Variants in TUBGCP3 observed in about 807,000 individuals in gnomAD.
TUBGCP3 encodes the protein tubulin gamma complex component 3, also known as gamma-tubulin complex component 3.
Under a neutral mutation model 123.1 loss-of-function variants are expected in TUBGCP3, and 50 were observed. That is an observed-to-expected ratio of 0.41 (90% CI 0.32 to 0.51). The LOEUF (loss-of-function observed/expected upper bound fraction) is 0.51. TUBGCP3 is among the 20% of genes least tolerant of loss of function. TUBGCP3 has a pLI of 0.36. For synonymous variants in TUBGCP3, 405 were observed against 413.9 expected (o/e 0.98, Z 0.26); for missense variants, 882 against 1,127.0 (o/e 0.78, Z 3.11).
intron 13 of TUBGCP3, among the ~76,000 whole-genome samples, chr13:112,525,451 A>G (rs1876972101): frequency 6.6e-6 from 1 of 152,192 alleles, no homozygotes; most frequent in Non-Finnish European, 1.5e-5. Flanking sequence ...AGACCAGACT[A>G]ATAAGCTCAT....
At chr13:112,569,346 G>A in intron 1 of TUBGCP3, 87 bp from the exon 2 acceptor site, 1 of 1,183,046 alleles carries the variant, frequency 8.5e-7, no homozygotes, top group Non-Finnish European at 1.2e-6. Flanking sequence ...CAGTGAACTA[G>A]TAATAACATC....
chr13:112,561,281 TG>T (rs947145270), intron 3 of TUBGCP3, among the ~76,000 whole-genome samples: 5 of 152,170 alleles, frequency 3.3e-5, no homozygotes, highest in Non-Finnish European at 7.4e-5. Flanking sequence ...CAGGGGCCCG[TG>T]AGGCTCAGGC....
rs10522089 is a variant in TUBGCP3, at chr13:112,487,053, ATGTGTG to A, written c.2566-908_2566-903del. ...ACCTCTGAGCAGGCAAACACTGTGTATGTGTGTGTGTGTGTGTGTGTGTGTGTGTCT... is the reference window on the plus strand; with the variant it reads ...ACCTCTGAGCAGGCAAACACTGTGTATGTGTGTGTGTGTGTGTGTGTGTCT... On this transcript the variant is annotated intron_variant, in intron 21 of 21. Transcript: ENST00000261965. 1.4e-4 allele frequency among the ~76,000 whole-genome samples: 20 copies of A among 147,506 alleles called. No homozygotes were observed. In the South Asian group the frequency reaches 3.8e-3, roughly 28 times the overall value.
chr13:112,556,240 T>C lies in TUBGCP3; in HGVS notation c.549-16A>G, dbSNP rs779590880. Reference sequence around the variant, plus strand: ...ATTAGACTGTCTAAAAAAAGAAACATGTATTATCTTCTAATAGGCTATTCG... The same window carrying C: ...ATTAGACTGTCTAAAAAAAGAAACACGTATTATCTTCTAATAGGCTATTCG... On this transcript the variant is annotated splice_polypyrimidine_tract_variant and intron_variant, in intron 5 of 21. Coordinates refer to ENST00000261965, the MANE Select transcript of TUBGCP3 (RefSeq NM_006322.6). The C allele has an allele frequency of 4.4e-5, 71 of 1,608,090 alleles. No individual in the cohort carries two copies. The highest frequency in any genetic ancestry group is 5.6e-5 in the Non-Finnish European group (66 of 1,175,144).
intron 1 of TUBGCP3, among the ~76,000 whole-genome samples, chr13:112,582,814 C>G (rs941208407): frequency 6.6e-6 from 1 of 152,164 alleles, no homozygotes; most frequent in African/African-American, 2.4e-5. Flanking sequence ...GGAGTGAACA[C>G]TCCTCTGATG....
intron 11 of TUBGCP3, among the ~76,000 whole-genome samples, chr13:112,529,834 A>G (rs574299277): frequency 6.6e-6 from 1 of 152,350 alleles, no homozygotes; most frequent in African/African-American, 2.4e-5. Flanking sequence ...AACACATTTC[A>G]GTCGTATCAC....
chr13:112,547,536 G>T, intron 10 of TUBGCP3, 84 bp downstream of exon 10: 1 of 1,176,522 alleles, frequency 8.5e-7, no homozygotes, highest in Non-Finnish European at 1.1e-6. Flanking sequence ...GGAAAGACGT[G>T]CATGGGAAAG....
rs764173679 is a variant in TUBGCP3 at position 112,489,683 on chromosome 13, C to T, written c.2463G>A (p.Val821=). The T allele has an allele frequency of 1.2e-5, 19 of 1,613,814 alleles. No homozygotes were observed. Among genetic ancestry groups the T allele is most frequent in the African/African-American group, 6.7e-5 (5 of 74,924 alleles). ...TTTCCTCCTCTTCCTCTGCTGCCGT[C>T]ACTCCCCACTGGCCCTGAACAATCA... is the stretch of plus-strand genomic sequence containing the variant. ...KQREIEGQWG[V]TAAEEEEENK... Residue 821 remains valine (V), a synonymous_variant, in exon 21 of 22, where the codon GTG becomes GTA. Transcript: ENST00000261965.
intron 20 of TUBGCP3, among the ~76,000 whole-genome samples, chr13:112,496,705 G>A (rs1243181822): frequency 6.6e-6 from 1 of 152,168 alleles, no homozygotes; most frequent in African/African-American, 2.4e-5. Flanking sequence ...CCGAAGGAGT[G>A]GCCGGGCGCG....
chr13:112,586,899 T>C (rs1281499824), intron 1 of TUBGCP3, among the ~76,000 whole-genome samples: 1 of 152,140 alleles, frequency 6.6e-6, no homozygotes. Flanking sequence ...AGTCACTCAT[T>C]TAATAGCGAC....
At chr13:112,512,929 C>T (rs1006072234) in intron 17 of TUBGCP3, among the ~76,000 whole-genome samples, 1 of 152,186 alleles carries the variant, frequency 6.6e-6, no homozygotes, top group Non-Finnish European at 1.5e-5. Flanking sequence ...CTGAATCAGA[C>T]TTCTATTAGA....
At chr13:112,555,738 A>C (rs72656189) in intron 6 of TUBGCP3, among the ~76,000 whole-genome samples, 1 of 152,274 alleles carries the variant, frequency 6.6e-6, no homozygotes, top group Non-Finnish European at 1.5e-5. Context: ...TTTCCCAGGG[A>C]AACGGCAGGA....
At chr13:112,559,033 C>T (rs963186746) in intron 4 of TUBGCP3, among the ~76,000 whole-genome samples, 2 of 152,194 alleles carry the variant, frequency 1.3e-5, no homozygotes, top group Non-Finnish European at 2.9e-5. Flanking sequence ...CCTATCAGTG[C>T]TGATATTAGT....
At chr13:112,590,969 T>C (rs1043116807), upstream of TUBGCP3, among the ~76,000 whole-genome samples, 4 of 152,186 alleles carry the variant, frequency 2.6e-5, no homozygotes, top group East Asian at 3.9e-4. Context: ...ATCGATGATA[T>C]TAAAAAGGGA....
Position 112,545,936 on chromosome 13 carries a change from A to C in TUBGCP3, c.1169-71T>G. ...TCATAGTACACACCAGTCACTTCTC[A>C]CCAACCAAAGACGCCCAAGTAATTG... On this transcript the variant is annotated intron_variant, in intron 10 of 21. Coordinates refer to ENST00000261965, the MANE Select transcript of TUBGCP3 (RefSeq NM_006322.6). This position sits in a 1 kb window ranked among gnomAD's most constrained non-coding sequence, Gnocchi z 4.1. 6.5e-6 allele frequency: 10 copies of C among 1,538,836 alleles called. No homozygotes were observed. The highest frequency in any genetic ancestry group is 8.9e-6 in the Non-Finnish European group (10 of 1,125,234).
intron 8 of TUBGCP3, among the ~76,000 whole-genome samples, chr13:112,549,717 C>A (rs1191331401): frequency 6.6e-6 from 1 of 152,004 alleles, no homozygotes; most frequent in Non-Finnish European, 1.5e-5. Flanking sequence ...AGGCCGGGTG[C>A]AGTGGCTCAC....
intron 17 of TUBGCP3, among the ~76,000 whole-genome samples, chr13:112,515,413 T>C (rs778492876): frequency 1.3e-5 from 2 of 152,076 alleles, no homozygotes; most frequent in Non-Finnish European, 2.9e-5. Context: ...GAAGGAGAAG[T>C]GCAGGCAAGT....
Position 112,554,314 on chromosome 13 carries a change from T to A in TUBGCP3, c.841-132A>T, listed in dbSNP as rs1368965504. ...CAAGACATAAAAGTTAAAACTAAGA[T>A]CCCATCACTAAAGGGAAGGAAAGCA... On this transcript the variant is annotated intron_variant, in intron 7 of 21. Transcript: ENST00000261965. 4.5e-6 allele frequency: 5 copies of A among 1,102,748 alleles called. No individual in the cohort carries two copies. The Admixed American group carries it at 8.4e-5, about 18-fold the overall frequency. The allele number at this position is 1,102,748 out of a possible 1,614,324, so 68.3% of individuals were successfully genotyped here.
chr13:112,558,397 G>T lies in TUBGCP3; in HGVS notation c.347C>A (p.Thr116Lys), dbSNP rs201950168. ...TCTTGGTAAGGCCTGAGCAAATAAC[G>T]TAGCATAGCTAGAAACCTGAAAAGA... ...RQPSKVSSYA[T>K]LFAQALPRDA... Residue 116 changes from threonine (T) to lysine (K), a missense_variant, in exon 5 of 22, where the codon ACG (threonine) becomes AAG (lysine). Physicochemically the swap from Thr to Lys is moderately conservative, Grantham distance 78. Coordinates refer to ENST00000261965, the MANE Select transcript of TUBGCP3 (RefSeq NM_006322.6). The T allele has an allele frequency of 6.4e-6, 10 of 1,569,886 alleles. No individual in the cohort carries two copies. In the South Asian group the frequency reaches 1.1e-4, roughly 18 times the overall value.
Sources: gnomAD v4.1 joint callset for allele counts (sites outside exome capture counted in the v4.1 genomes callset) on GRCh38, gnomAD v4.1.1 for gene constraint, Gnocchi (gnomAD v3.1) non-coding constraint, MANE v1.5 for transcripts, NCBI Gene and HGNC (gene_info 2026-07-23, HGNC 2026-07-21) for gene names.